Variants in DCUN1D1 observed in about 807,000 individuals in gnomAD.
DCUN1D1 encodes DCN1-like protein 1.
A neutral mutation model predicts 39.0 loss-of-function variants in DCUN1D1; 3 were observed. The ratio of observed to expected loss-of-function variants is 0.08; its 90% CI spans 0.04 to 0.20. The LOEUF (loss-of-function observed/expected upper bound fraction) is 0.20. Ranked by LOEUF, DCUN1D1 falls within the 10% of genes least tolerant of loss-of-function variation. The pLI, the probability that DCUN1D1 is intolerant of heterozygous loss-of-function variation, is 1.00. For missense variants in DCUN1D1, 158 were observed against 302.4 expected (o/e 0.52, Z 3.54); for synonymous variants, 82 against 96.3 (o/e 0.85, Z 0.87).
At chr3:182,951,232 A>C (rs1726717125) in intron 4 of DCUN1D1, among the ~76,000 whole-genome samples, 1 of 152,082 alleles carries the variant, frequency 6.6e-6, no homozygotes, top group South Asian at 2.1e-4. Context: ...TTCACTTTAA[A>C]TGCTTTAAGT....
At chr3:182,981,228 A>C (rs546090752), upstream of DCUN1D1, among the ~76,000 whole-genome samples, 15 of 152,188 alleles carry the variant, frequency 9.9e-5, no homozygotes, top group African/African-American at 3.4e-4. Context: ...GGGTGCACTG[A>C]GACCCAAGGC....
At chr3:182,964,171 G>A (rs1192152947) in intron 2 of DCUN1D1, 122 bp from the exon 3 acceptor site, 1 of 691,288 alleles carries the variant, frequency 1.4e-6, no homozygotes, top group East Asian at 2.7e-5. Flanking sequence ...GGCATGAAAC[G>A]ATATTACTCT....
intron 1 of DCUN1D1, among the ~76,000 whole-genome samples, chr3:182,976,277 A>C (rs1428522029): frequency 6.6e-6 from 1 of 152,122 alleles, no homozygotes; most frequent in African/African-American, 2.4e-5. Context: ...GAACAAAAAA[A>C]AACAAGGTAT....
chr3:182,938,500 CA>C lies in DCUN1D1; in HGVS notation c.*6593del, dbSNP rs1473963522. ...TTAGACATACATATTGAAATATTTA[CA>C]AATGAAATGATTTGCTATCTGGGAT... is the stretch of plus-strand genomic sequence containing the variant. On this transcript the variant is annotated 3_prime_UTR_variant, in exon 7 of 7. Coordinates refer to ENST00000292782, the MANE Select transcript of DCUN1D1 (RefSeq NM_020640.4). 1.3e-5 allele frequency: 2 copies of C among 151,984 alleles called. No homozygotes were observed. The highest frequency in any genetic ancestry group is 4.8e-5 in the African/African-American group (2 of 41,376). 9.4% of individuals were successfully genotyped at this position (151,984 alleles called of 1,614,324 possible).
chr3:182,960,165 C>G (rs573925067), intron 4 of DCUN1D1, among the ~76,000 whole-genome samples: 3 of 152,296 alleles, frequency 2.0e-5, no homozygotes, highest in Admixed American at 2.0e-4. Flanking sequence ...AAGTACAGTA[C>G]TTAGCACAGT....
chr3:182,967,278 A>G (rs1048709631), intron 1 of DCUN1D1, among the ~76,000 whole-genome samples: 3 of 152,014 alleles, frequency 2.0e-5, no homozygotes, highest in African/African-American at 4.8e-5. Flanking sequence ...CCAGAAGGTT[A>G]AGGCATTTGT....
intron 1 of DCUN1D1, among the ~76,000 whole-genome samples, chr3:182,974,808 T>C (rs1198379382): frequency 1.3e-5 from 2 of 151,652 alleles, no homozygotes; most frequent in East Asian, 3.8e-4. Flanking sequence ...AGCAGCCTAA[T>C]CACTCTCAGT....
intron 4 of DCUN1D1, chr3:182,955,633 G>C: frequency 2.4e-5 from 10 of 419,740 alleles, no homozygotes; most frequent in South Asian, 1.7e-4. Context: ...ACCCAGGCTG[G>C]AGTGCAGTGG....
At chr3:182,969,130 T>C (rs1176210674) in intron 1 of DCUN1D1, among the ~76,000 whole-genome samples, 8 of 152,192 alleles carry the variant, frequency 5.3e-5, no homozygotes, top group Admixed American at 5.2e-4. Flanking sequence ...CAATGCACTC[T>C]TACCACTTCT....
In DCUN1D1 at chr3:182,964,890, C is replaced by A. The variant is rs1028894654; in HGVS notation, c.220+647G>T. Among the ~76,000 whole-genome samples, 3 of 152,218 alleles carry A rather than the reference C, an allele frequency of 2.0e-5. No individual in the cohort carries two copies. In the East Asian group the frequency reaches 5.8e-4, roughly 29 times the overall value. On this transcript the variant is annotated intron_variant, in intron 2 of 6. Transcript: ENST00000292782. ...TCCTGACCTTGTGATCTGACCACCT[C>A]GGCCTCCCAAAGTGCTGGGATTACA...
At position 182,963,874 on chromosome 3, in the gene DCUN1D1, T is replaced by C; in HGVS notation, c.389+7A>G. 6.3e-7 allele frequency: 1 copy of C among 1,594,630 alleles called. No individual in the cohort carries two copies. Among genetic ancestry groups the C allele is most frequent in the Non-Finnish European group, 8.6e-7 (1 of 1,166,678 alleles). On this transcript the variant is annotated splice_region_variant and intron_variant, in intron 3 of 6. Transcript: ENST00000292782. ...TATCTAATTTCCTATTGTAATTATA[T>C]ACTCACCCTAATTCTGTCATGCCAT...
chr3:182,940,397 T>C lies in DCUN1D1; in HGVS notation c.*4697A>G, dbSNP rs1444587691. The stretch of plus-strand genomic sequence containing the variant: ...GTTTCAAACACTTCATTGTTTCCAA[T>C]CAGGCTTTGTTTTTACGATGTGGGT... On this transcript the variant is annotated 3_prime_UTR_variant, in exon 7 of 7. Coordinates refer to ENST00000292782, the MANE Select transcript of DCUN1D1 (RefSeq NM_020640.4). 6.6e-6 allele frequency: 1 copy of C among 152,178 alleles called. No homozygotes were observed. Among genetic ancestry groups the C allele is most frequent in the Non-Finnish European group, 1.5e-5 (1 of 68,032 alleles). The allele number at this position is 152,178 out of a possible 1,614,324, so 9.4% of individuals were successfully genotyped here. A position where few individuals can be genotyped will look rare whatever the true frequency, so the allele number is the denominator to read the frequency against.
At chr3:182,972,495 G>C (rs1416882921) in intron 1 of DCUN1D1, among the ~76,000 whole-genome samples, 10 of 152,162 alleles carry the variant, frequency 6.6e-5, no homozygotes, top group African/African-American at 2.4e-4. Flanking sequence ...GAGGTGCTGA[G>C]GCTGAGCAAG....
intron 1 of DCUN1D1, among the ~76,000 whole-genome samples, chr3:182,971,204 T>A (rs191816272): frequency 6.6e-6 from 1 of 152,282 alleles, no homozygotes; most frequent in East Asian, 1.9e-4. Flanking sequence ...GTTACACGAA[T>A]CAATTCAGGT....
At chr3:182,949,537 T>C (rs559017662) in intron 4 of DCUN1D1, among the ~76,000 whole-genome samples, 5 of 152,166 alleles carry the variant, frequency 3.3e-5, no homozygotes, top group Admixed American at 6.5e-5. Flanking sequence ...CTGGGCAACA[T>C]AGCAAGACCC....
At chr3:182,957,960 A>T (rs1003048807) in intron 4 of DCUN1D1, among the ~76,000 whole-genome samples, 1 of 150,886 alleles carries the variant, frequency 6.6e-6, no homozygotes, top group Non-Finnish European at 1.5e-5. Flanking sequence ...AAAAAAAAAA[A>T]ACAGAAACAT....
chr3:182,945,188 A>G lies in DCUN1D1; in HGVS notation c.701-15T>C. On this transcript the variant is annotated splice_polypyrimidine_tract_variant and intron_variant, in intron 6 of 6. Transcript: ENST00000292782. ...AGGCCATGCTCCTGGAAAAAAGAAA[A>G]AATATGAAAGAAAGAGAAGGGGGAA... 1.9e-6 allele frequency: 3 copies of G among 1,588,850 alleles called. No individual in the cohort carries two copies. The highest frequency in any genetic ancestry group is 2.6e-6 in the Non-Finnish European group (3 of 1,171,366).
At chr3:182,969,797 G>T (rs1727842799) in intron 1 of DCUN1D1, among the ~76,000 whole-genome samples, 1 of 152,138 alleles carries the variant, frequency 6.6e-6, no homozygotes, top group Non-Finnish European at 1.5e-5. Flanking sequence ...AATTACAACG[G>T]TATCAAAGAT....
chr3:182,955,881 G>A (rs985183937), intron 4 of DCUN1D1: 8 of 173,800 alleles, frequency 4.6e-5, no homozygotes, highest in African/African-American at 9.7e-5. Context: ...GCGCCCAGCC[G>A]CACCATGGTT....
Sources: gnomAD v4.1 joint callset for allele counts (sites outside exome capture counted in the v4.1 genomes callset) on GRCh38, gnomAD v4.1.1 for gene constraint, MANE v1.5 for transcripts, NCBI Gene and HGNC (gene_info 2026-07-23, HGNC 2026-07-21) for gene names.